ANO2: variants seen among roughly 807,000 people sequenced by gnomAD.
ANO2 encodes anoctamin 2.
In ANO2, 101 loss-of-function variants were observed where a neutral mutation model predicts 124.2. That is an observed-to-expected ratio of 0.81 (90% CI 0.69 to 0.96). The LOEUF (loss-of-function observed/expected upper bound fraction) is 0.96. ANO2 is among the 40% of genes least tolerant of loss of function. The pLI, the probability that ANO2 is intolerant of heterozygous loss-of-function variation, is 0.00. For missense variants in ANO2, 1,293 were observed against 1,274.5 expected (o/e 1.01, Z -0.22); for synonymous variants, 486 against 482.5 (o/e 1.01, Z -0.09).
chr12:5,839,493 G>T (rs576842567), intron 4 of ANO2: 9 of 441,234 alleles, frequency 2.0e-5, no homozygotes, highest in African/African-American at 1.8e-4. Context: ...ATAAAAGAGA[G>T]AACTGGACTA....
intron 14 of ANO2, among the ~76,000 whole-genome samples, chr12:5,720,429 G>A (rs893770083): frequency 3.9e-5 from 6 of 152,154 alleles, no homozygotes; most frequent in Non-Finnish European, 7.4e-5. Context: ...GAATTCTAAG[G>A]AAGTGAAATA....
At chr12:5,631,649 G>A (rs1945724231) in intron 16 of ANO2, among the ~76,000 whole-genome samples, 1 of 152,250 alleles carries the variant, frequency 6.6e-6, no homozygotes. Flanking sequence ...ACCACTGACA[G>A]CCGAGAGGCC....
At chr12:5,644,750 G>T (rs1182051883) in intron 15 of ANO2, among the ~76,000 whole-genome samples, 1 of 152,164 alleles carries the variant, frequency 6.6e-6, no homozygotes, top group Admixed American at 6.5e-5. Flanking sequence ...GAGAGATTCG[G>T]TTGATAGCAA....
chr12:5,712,303 T>C (rs528406905), intron 14 of ANO2, among the ~76,000 whole-genome samples: 8 of 151,806 alleles, frequency 5.3e-5, no homozygotes, highest in African/African-American at 1.9e-4. Flanking sequence ...AAAAAAAGTC[T>C]TTGCAAATGT....
intron 7 of ANO2, among the ~76,000 whole-genome samples, chr12:5,827,419 T>C (rs761068658): frequency 6.6e-6 from 1 of 152,176 alleles, no homozygotes; most frequent in East Asian, 1.9e-4. Context: ...AAGACGCTTT[T>C]CTTGGGTTAT....
At chr12:5,647,679 C>G in intron 15 of ANO2, 48 bp downstream of exon 15, 1 of 1,354,142 alleles carries the variant, frequency 7.4e-7, no homozygotes. Flanking sequence ...CACATAACAG[C>G]ATCTACATGC....
chr12:5,650,529 G>A (rs1946868155), intron 14 of ANO2, among the ~76,000 whole-genome samples: 1 of 152,136 alleles, frequency 6.6e-6, no homozygotes, highest in Non-Finnish European at 1.5e-5. Flanking sequence ...CTTCCAAGCT[G>A]CCAAAGTCAC....
intron 16 of ANO2, among the ~76,000 whole-genome samples, chr12:5,618,594 T>A (rs780392874): frequency 6.6e-6 from 1 of 152,184 alleles, no homozygotes; most frequent in Non-Finnish European, 1.5e-5. Flanking sequence ...AACTAGTTTT[T>A]AACAACACCA....
intron 3 of ANO2, among the ~76,000 whole-genome samples, chr12:5,876,136 T>C (rs1191886588): frequency 2.6e-5 from 4 of 152,150 alleles, no homozygotes; most frequent in African/African-American, 4.8e-5. Context: ...ATGGCCCAAA[T>C]ACCCATTGAA....
intron 10 of ANO2, among the ~76,000 whole-genome samples, chr12:5,766,097 T>A (rs2137113842): frequency 6.6e-6 from 1 of 152,322 alleles, no homozygotes. Context: ...TCCCACATAG[T>A]TCTGGTAAGC....
chr12:5,832,556 C>T lies in ANO2; in HGVS notation c.681G>A (p.Ala227=), dbSNP rs761422726. 32 of 1,613,738 alleles carry T rather than the reference C, an allele frequency of 2.0e-5. No homozygotes were observed. The highest frequency in any genetic ancestry group is 1.1e-4 in the East Asian group (5 of 44,880). Residue 227 remains alanine, a synonymous_variant, in exon 5 of 25, where the codon GCG becomes GCA. Transcript: ENST00000682330. The stretch of plus-strand genomic sequence containing the variant: ...GGTGCGAGCTCAGCTTCTGCAGAGC[C>T]GCGCTGAACTTCTTTGCAATGCTGC... ...AGGSIAKKFS[A]ALQKLSSHLQ...
rs556095904 is a variant in ANO2, at chr12:5,900,486, C to T, written c.534+20554G>A. Among the ~76,000 whole-genome samples the T allele has an allele frequency of 1.6e-3, 243 of 152,168 alleles. No homozygotes were observed. The highest frequency in any genetic ancestry group is 5.5e-3 in the African/African-American group (228 of 41,506). ...ATGGACCTCCATCTGTAAAATGAGA[C>T]GCTAATTAAAGACTCTCAAAGGTCC... On this transcript the variant is annotated intron_variant, in intron 3 of 24. Transcript: ENST00000682330. This position sits in a 1 kb window ranked among gnomAD's most constrained non-coding sequence, Gnocchi z 4.2.
chr12:5,931,889 T>C (rs1942411157), intron 1 of ANO2, among the ~76,000 whole-genome samples: 2 of 119,198 alleles, frequency 1.7e-5, no homozygotes, highest in African/African-American at 6.5e-5. Flanking sequence ...GGAAAGAAGA[T>C]AGACTAGTAA....
At chr12:5,566,640 C>T (rs1034728298) in intron 23 of ANO2, among the ~76,000 whole-genome samples, 4 of 152,130 alleles carry the variant, frequency 2.6e-5, no homozygotes, top group African/African-American at 9.7e-5. Flanking sequence ...GGACTCTGCC[C>T]GGGTCAATCC....
chr12:5,828,979 T>G (rs936926430), intron 6 of ANO2, among the ~76,000 whole-genome samples: 12 of 152,210 alleles, frequency 7.9e-5, no homozygotes, highest in Admixed American at 6.5e-4. Flanking sequence ...TCTTTTCCCC[T>G]GTTCTCAATG....
chr12:5,714,221 C>A (rs1229300112), intron 14 of ANO2, among the ~76,000 whole-genome samples: 1 of 152,228 alleles, frequency 6.6e-6, no homozygotes, highest in Non-Finnish European at 1.5e-5. Flanking sequence ...GCCAAATTCA[C>A]ATTAGACCTC....
At chr12:5,877,367 C>G (rs1406327944) in intron 3 of ANO2, among the ~76,000 whole-genome samples, 1 of 152,198 alleles carries the variant, frequency 6.6e-6, no homozygotes, top group Non-Finnish European at 1.5e-5. Context: ...CCTGCTGGCA[C>G]TTTCATTTTG....
chr12:5,685,785 C>A (rs1238929159), intron 14 of ANO2, among the ~76,000 whole-genome samples: 3 of 137,658 alleles, frequency 2.2e-5, no homozygotes, highest in Non-Finnish European at 3.3e-5. Flanking sequence ...TCAACAACAA[C>A]AACAAAACAA....
At chr12:5,938,231 A>C (rs953343491) in intron 1 of ANO2, among the ~76,000 whole-genome samples, 5 of 152,148 alleles carry the variant, frequency 3.3e-5, no homozygotes, top group East Asian at 1.9e-4. Flanking sequence ...CCAAATTTTT[A>C]TCTCTGTCTT....
Sources: gnomAD v4.1 joint callset for allele counts (sites outside exome capture counted in the v4.1 genomes callset) on GRCh38, gnomAD v4.1.1 for gene constraint, Gnocchi (gnomAD v3.1) non-coding constraint, MANE v1.5 for transcripts, NCBI Gene and HGNC (gene_info 2026-07-23, HGNC 2026-07-21) for gene names.